Variants in SEL1L2 observed in about 807,000 individuals in gnomAD.
SEL1L2 encodes SEL1L2 adaptor subunit of SYVN1 ubiquitin ligase, also known as protein sel-1 homolog 2.
SEL1L2 carries 89 observed loss-of-function variants against 98.8 expected under a neutral mutation model. That is an observed-to-expected ratio of 0.90 (90% CI 0.76 to 1.07). The LOEUF (loss-of-function observed/expected upper bound fraction) is 1.07, where lower values mean the gene tolerates loss of function less well. Among genes scored for constraint, SEL1L2 ranks in the 50% least tolerant of loss-of-function variants. SEL1L2 has a pLI of 0.00. For missense variants in SEL1L2, 788 were observed against 812.0 expected, an observed-to-expected ratio of 0.97 and a Z score of 0.36; for synonymous variants, 262 against 278.5, an observed-to-expected ratio of 0.94 and a Z score of 0.59.
intron 3 of SEL1L2, among the ~76,000 whole-genome samples, chr20:13,927,632 A>G (rs1228553089): frequency 6.6e-6 from 1 of 152,236 alleles, no homozygotes; most frequent in Non-Finnish European, 1.5e-5. Flanking sequence ...AGAGTAAGTT[A>G]AATCCTATTT....
At chr20:13,916,560 C>A (rs565336988) in intron 4 of SEL1L2, among the ~76,000 whole-genome samples, 2 of 152,310 alleles carry the variant, frequency 1.3e-5, no homozygotes, top group East Asian at 3.9e-4. Flanking sequence ...AATCCCAGCA[C>A]TTTGAGAGGC....
chr20:13,964,225 TA>T, intron 1 of SEL1L2, among the ~76,000 whole-genome samples: 1 of 151,998 alleles, frequency 6.6e-6, no homozygotes, highest in South Asian at 2.1e-4. Flanking sequence ...TCAAAGAAAA[TA>T]TGTTCTATCC....
intron 2 of SEL1L2, among the ~76,000 whole-genome samples, chr20:13,951,678 C>G (rs1262579166): frequency 1.0e-5 from 1 of 95,410 alleles, no homozygotes; most frequent in Non-Finnish European, 2.1e-5. Flanking sequence ...TGCAAATAAT[C>G]TGTTTTGCAA....
At chr20:13,932,433 TTATTATTA>T (rs2049187770) in intron 2 of SEL1L2, among the ~76,000 whole-genome samples, 1 of 148,774 alleles carries the variant, frequency 6.7e-6, no homozygotes, top group Non-Finnish European at 1.5e-5. Context: ...ATTATTATTA[TTATTATTA>T]TTATTTTTTG....
intron 2 of SEL1L2, among the ~76,000 whole-genome samples, chr20:13,933,331 CAT>C (rs1160944989): frequency 6.6e-6 from 1 of 152,144 alleles, no homozygotes; most frequent in Non-Finnish European, 1.5e-5. Context: ...TATTCACAGA[CAT>C]GTGCAACCAT....
In SEL1L2 at chr20:13,849,596, CGTTGTGAACT is replaced by C. The variant is rs1987877151; in HGVS notation, c.1948-2_1955del. 1 of 1,613,692 alleles carries C rather than the reference CGTTGTGAACT, an allele frequency of 6.2e-7. No homozygotes were observed. Among genetic ancestry groups the C allele is most frequent in the African/African-American group, 1.3e-5 (1 of 74,876 alleles). ...TGTCCAGTTTCAGCCAGTTCCATCT[CGTTGTGAACT>C]GCTGGCAAGAGACATTCTCTCAAAA... On this transcript the variant is annotated splice_acceptor_variant and coding_sequence_variant, in exon 20 of 20. Transcript: ENST00000284951. LOFTEE classifies it high-confidence loss of function.
chr20:13,866,197 A>G (rs753199591), intron 15 of SEL1L2, among the ~76,000 whole-genome samples: 2 of 152,218 alleles, frequency 1.3e-5, no homozygotes, highest in Non-Finnish European at 2.9e-5. Context: ...TAATAAATCA[A>G]TGAAGGACAT....
At chr20:13,895,861 A>T (rs2047400349) in intron 5 of SEL1L2, among the ~76,000 whole-genome samples, 1 of 152,208 alleles carries the variant, frequency 6.6e-6, no homozygotes, top group Admixed American at 6.5e-5. Context: ...GATTAGACAC[A>T]CACACACAAA....
At chr20:13,849,706 C>T in intron 19 of SEL1L2, 102 bp from the exon 20 acceptor site, 2 of 1,382,472 alleles carry the variant, frequency 1.4e-6, no homozygotes, top group Non-Finnish European at 2.0e-6. Context: ...CTCCTCCCAC[C>T]CATTCCCTTT....
intron 4 of SEL1L2, chr20:13,915,337 A>C: frequency 1.0e-6 from 1 of 980,338 alleles, no homozygotes; most frequent in Non-Finnish European, 1.4e-6. Context: ...CCCAGGTCAA[A>C]GCCAGCTGAA....
At position 13,931,760 on chromosome 20, in the gene SEL1L2, G is replaced by A. The variant is rs769413923; in HGVS notation, c.126C>T (p.Asn42=). The A allele has an allele frequency of 2.0e-5, 31 of 1,519,284 alleles. No individual in the cohort carries two copies. The highest frequency in any genetic ancestry group is 4.9e-5 in the East Asian group (2 of 40,834). The allele number at this position is 1,519,284 out of a possible 1,614,324, so 94.1% of individuals were successfully genotyped here. Residue 42 remains asparagine, a synonymous_variant, in exon 3 of 20, where the codon AAC becomes AAT. Coordinates refer to ENST00000284951, the MANE Select transcript of SEL1L2 (RefSeq NM_025229.2). ...TGTGTGATAAATATTGTTTGATTTC[G>A]TTCACTGATACCTACAAAGAAAAAG... The part of the protein sequence containing the change: ...ERNVTTQVSV[N]EIKQYLSHIL...
chr20:13,938,573 T>C (rs2049574180), intron 2 of SEL1L2, among the ~76,000 whole-genome samples: 1 of 152,200 alleles, frequency 6.6e-6, no homozygotes, highest in South Asian at 2.1e-4. Context: ...TTCACAATCA[T>C]CCATTCCAAT....
In SEL1L2 at chr20:13,886,404, C is replaced by A; in HGVS notation, c.784G>T (p.Glu262Ter). 1 of 1,613,960 alleles carries A rather than the reference C, an allele frequency of 6.2e-7. No individual in the cohort carries two copies. Among genetic ancestry groups the A allele is most frequent in the Non-Finnish European group, 8.5e-7 (1 of 1,179,976 alleles). ...GGTCTTTCCGTTAGTCTCACTTTTT[C>A]CACTGGAACACCTTCACTTTTTTCA... ...TFEKSEGVPV[E>*]KVRLTERPEN... Residue 262 changes from glutamate to a stop codon, truncating the protein, a stop_gained, in exon 9 of 20, where the codon GAA becomes TAA. Coordinates refer to ENST00000284951, the MANE Select transcript of SEL1L2 (RefSeq NM_025229.2). LOFTEE classifies it high-confidence loss of function.
chr20:13,959,034 G>C (rs2050667546), intron 1 of SEL1L2, among the ~76,000 whole-genome samples: 2 of 152,108 alleles, frequency 1.3e-5, no homozygotes, highest in African/African-American at 4.8e-5. Flanking sequence ...CATTAAAGCT[G>C]ATCCTGTTAA....
intron 4 of SEL1L2, among the ~76,000 whole-genome samples, chr20:13,915,440 C>G (rs1053161867): frequency 6.6e-6 from 1 of 152,174 alleles, no homozygotes; most frequent in African/African-American, 2.4e-5. Context: ...GGAAGAGAGC[C>G]TGGCATCAGG....
chr20:13,918,390 G>A (rs1413544836), intron 4 of SEL1L2, among the ~76,000 whole-genome samples: 1 of 152,186 alleles, frequency 6.6e-6, no homozygotes, highest in Non-Finnish European at 1.5e-5. Context: ...GGAGTGGAGG[G>A]AGAAGATATT....
intron 1 of SEL1L2, among the ~76,000 whole-genome samples, chr20:13,975,935 G>C (rs1272003386): frequency 6.6e-6 from 1 of 152,124 alleles, no homozygotes; most frequent in Non-Finnish European, 1.5e-5. Context: ...AGATCCTCTT[G>C]CTTCACCCTC....
intron 10 of SEL1L2, among the ~76,000 whole-genome samples, chr20:13,883,519 A>G (rs1421523697): frequency 6.6e-6 from 1 of 152,216 alleles, no homozygotes; most frequent in East Asian, 1.9e-4. Flanking sequence ...AATTTACTTT[A>G]TGTCTCCAGC....
intron 17 of SEL1L2, among the ~76,000 whole-genome samples, chr20:13,863,349 C>G (rs1990473790): frequency 6.6e-6 from 1 of 152,120 alleles, no homozygotes; most frequent in Admixed American, 6.5e-5. Context: ...GAATTCAGCT[C>G]CACCCTAATA....
Sources: allele counts gnomAD v4.1 joint callset (sites outside exome capture counted in the v4.1 genomes callset), GRCh38; gene constraint gnomAD v4.1.1; transcripts MANE v1.5; gene names NCBI Gene and HGNC (gene_info 2026-07-23, HGNC 2026-07-21).